TCHH: variants seen among roughly 807,000 people sequenced by gnomAD.
The protein encoded by TCHH is trichohyalin.
Under a neutral mutation model 6.3 loss-of-function variants are expected in TCHH, and 6 were observed. That is an observed-to-expected ratio of 0.95 (90% CI 0.52 to 1.88). The LOEUF (loss-of-function observed/expected upper bound fraction) is 1.88. TCHH is among the 40% of genes most tolerant of loss of function. The probability of loss-of-function intolerance (pLI) is 0.01; values close to 1 mark genes in which losing one functional copy is unlikely to be tolerated. For synonymous variants in TCHH, 1,087 were observed against 963.6 expected (o/e 1.13, Z -2.37); for missense variants, 2,920 against 2,449.1 (o/e 1.19, Z -4.06).
chr1:152,109,122 C>G lies in TCHH; in HGVS notation c.4095G>C (p.Glu1365Asp). The part of the protein sequence containing the change: ...RQERDRKFRE[E>D]ELRHQEQGRK... Reference sequence around the variant, plus strand: ...TCCCTTGTTCCTGATGGCGCAGTTCCTCTTCGCGGAATTTTCTGTCACGCT... The same window carrying G: ...TCCCTTGTTCCTGATGGCGCAGTTCGTCTTCGCGGAATTTTCTGTCACGCT... The change falls in exon 3 of 3, where the codon GAG becomes GAC. Residue 1365 changes from glutamate (E) to aspartate (D), a missense_variant. Transcript: ENST00000614923. 1 of 1,613,876 alleles carries G rather than the reference C, an allele frequency of 6.2e-7. No individual in the cohort carries two copies. The highest frequency in any genetic ancestry group is 8.5e-7 in the Non-Finnish European group (1 of 1,179,870).
Position 152,109,596 on chromosome 1 carries a change from G to A in TCHH, c.3621C>T (p.Arg1207=), listed in dbSNP as rs774465939. The A allele has an allele frequency of 2.5e-6, 4 of 1,614,024 alleles. No homozygotes were observed. In the African/African-American group the frequency reaches 5.3e-5, roughly 22 times the overall value. ...RQYREEEELQ[R]QKRKQRYRDE... ...CCCGGTATCGCTGCTTCCTTTTCTG[G>A]CGCTGAAGCTCTTCCTCCTCCCGAT... The change falls in exon 3 of 3, where the codon CGC becomes CGT. Residue 1207 remains arginine (R), a synonymous_variant. Coordinates refer to ENST00000614923, the MANE Select transcript of TCHH (RefSeq NM_007113.4).
In TCHH at chr1:152,108,231, A is replaced by T; in HGVS notation, c.4986T>A (p.Arg1662=). Reference sequence around the variant, plus strand: ...CACGGAATTTTCTGTCGCGGTCGTGACGCAGCTGTTGTTCGCGCTCCTGGC... The same window carrying T: ...CACGGAATTTTCTGTCGCGGTCGTGTCGCAGCTGTTGTTCGCGCTCCTGGC... ...LRRQEREQQL[R]HDRDRKFREE... is the part of the protein sequence containing the mutation. The change falls in exon 3 of 3, where the codon CGT becomes CGA. Residue 1662 remains arginine, a synonymous_variant. Coordinates refer to ENST00000614923, the MANE Select transcript of TCHH (RefSeq NM_007113.4). The T allele has an allele frequency of 6.3e-7, 1 of 1,578,472 alleles. No homozygotes were observed. Among genetic ancestry groups the T allele is most frequent in the Non-Finnish European group, 8.6e-7 (1 of 1,166,476 alleles).
chr1:152,111,526 T>C lies in TCHH; in HGVS notation c.1691A>G (p.Glu564Gly). ...CTCCTGCTCGCGCTTCAGCCGCTGC[T>C]CTCGCCTCTCCTGCTCGAGCCTCTT... ...EEKRLEQERR[E>G]QRLKREQEER... The change falls in exon 3 of 3, where the codon GAG (glutamate) becomes GGG (glycine). Residue 564 changes from glutamate (E) to glycine (G), a missense_variant. Transcript: ENST00000614923. 1 of 1,589,782 alleles carries C rather than the reference T, an allele frequency of 6.3e-7. No individual in the cohort carries two copies. Among genetic ancestry groups the C allele is most frequent in the Non-Finnish European group, 8.6e-7 (1 of 1,165,142 alleles).
intron 1 of TCHH, 28 bp downstream of exon 1, chr1:152,115,363 G>C (rs1658482784): frequency 6.6e-6 from 1 of 152,250 alleles, no homozygotes; most frequent in Non-Finnish European, 1.5e-5. Context: ...TCATAAAGAA[G>C]ACCACGATCC....
chr1:152,109,838 CCTCT>C lies in TCHH; in HGVS notation c.3375_3378del (p.Glu1126AsnfsTer28). On this transcript the variant is annotated frameshift_variant, in exon 3 of 3. Transcript: ENST00000614923. LOFTEE classifies it low-confidence loss of function (END_TRUNC). ...TCCTGGCGCCTTCTCTTCTCCCGTT[CCTCT>C]CTCAGCAGCTGCTCTTCCTCCTGCT... is the stretch of plus-strand genomic sequence containing the variant. 6.2e-7 allele frequency: 1 copy of C among 1,611,684 alleles called. No homozygotes were observed. Among genetic ancestry groups the C allele is most frequent in the Non-Finnish European group, 8.5e-7 (1 of 1,179,438 alleles).
At position 152,109,555 on chromosome 1, in the gene TCHH, C is replaced by T; in HGVS notation, c.3662G>A (p.Ser1221Asn). ...KQRYRDEDQRSDLKWQWEPEK... is the reference protein window; with the variant it reads ...KQRYRDEDQRNDLKWQWEPEK... ...TGGTTCCCACTGCCATTTCAGATCA[C>T]TGCGCTGATCCTCATCCCGGTATCG... Residue 1221 changes from serine (S) to asparagine (N), a missense_variant, in exon 3 of 3, where the codon AGT (serine) becomes AAT (asparagine). Transcript: ENST00000614923. The T allele has an allele frequency of 1.9e-6, 3 of 1,614,264 alleles. No homozygotes were observed. The highest frequency in any genetic ancestry group is 2.5e-6 in the Non-Finnish European group (3 of 1,180,058).
Position 152,110,693 on chromosome 1 carries a change from G to C in TCHH, c.2524C>G (p.Arg842Gly), listed in dbSNP as rs1450669110. 1 of 1,612,292 alleles carries C rather than the reference G, an allele frequency of 6.2e-7. No individual in the cohort carries two copies. The highest frequency in any genetic ancestry group is 1.7e-5 in the Admixed American group (1 of 60,002). Residue 842 changes from arginine to glycine, a missense_variant, in exon 3 of 3, where the codon CGG becomes GGG. Coordinates refer to ENST00000614923, the MANE Select transcript of TCHH (RefSeq NM_007113.4). ...TGGAGCTGTTGGGCACGCTCCCGCC[G>C]CTGGAGCTGCTCCTCTTCCTCCAGG... Reference protein sequence around the residue: ...QFLEEEEQLQRRERAQQLQEE... With the variant: ...QFLEEEEQLQGRERAQQLQEE...
chr1:152,112,404 G>C lies in TCHH; in HGVS notation c.813C>G (p.Leu271=), dbSNP rs1452113875. 6.2e-7 allele frequency: 1 copy of C among 1,613,514 alleles called. No individual in the cohort carries two copies. Among genetic ancestry groups the C allele is most frequent in the African/African-American group, 1.3e-5 (1 of 74,796 alleles). ...TCCGTAGCTGCTCTTCTTCCTCCTG[G>C]AGCTCTCTTTGCCGCTGCGGCTCCT... is the stretch of plus-strand genomic sequence containing the variant. The part of the protein sequence containing the change: ...QEEEPQRQRE[L]QEEEEQLRKL... Residue 271 remains leucine (L), a synonymous_variant, in exon 3 of 3, where the codon CTC becomes CTG. Coordinates refer to ENST00000614923, the MANE Select transcript of TCHH (RefSeq NM_007113.4).
Position 152,110,646 on chromosome 1 carries a change from C to T in TCHH, c.2571G>A (p.Gln857=), listed in dbSNP as rs1477575621. Residue 857 remains glutamine, a synonymous_variant, in exon 3 of 3, where the codon CAG becomes CAA. Transcript: ENST00000614923. The part of the protein sequence containing the change: ...QQLQEEEDGL[Q]EDQERRRSQE... ...GGCTTCGCCTCCTCTCCTGATCCTCCTGGAGGCCGTCCTCCTCCTCCTGGA... is the reference window on the plus strand; with the variant it reads ...GGCTTCGCCTCCTCTCCTGATCCTCTTGGAGGCCGTCCTCCTCCTCCTGGA... 1.9e-6 allele frequency: 3 copies of T among 1,613,686 alleles called. No individual in the cohort carries two copies. Among genetic ancestry groups the T allele is most frequent in the Non-Finnish European group, 1.7e-6 (2 of 1,179,934 alleles).
In TCHH at chr1:152,108,059, C is replaced by T; in HGVS notation, c.5158G>A (p.Glu1720Lys). The change falls in exon 3 of 3, where the codon GAA (glutamate) becomes AAA (lysine). Residue 1720 changes from glutamate to lysine, a missense_variant. Transcript: ENST00000614923. Reference protein sequence around the residue: ...LQEEQQLRRQELERKFREEEQ... With the variant: ...LQEEQQLRRQKLERKFREEEQ... ...TCCTCACGGAATTTTCTCTCCAGTT[C>T]CTGGCGGCGCAGCTGCTGTTCCTCC... The T allele has an allele frequency of 2.5e-6, 4 of 1,613,934 alleles. No homozygotes were observed. Among genetic ancestry groups the T allele is most frequent in the South Asian group, 1.1e-5 (1 of 91,060 alleles).
rs1658450027 is a variant in TCHH, at chr1:152,114,012, A to G, written c.69T>C (p.Cys23=). ...CTTTCTTAGTTAATGCTGCTCCATCACAATCATGAGAGACATACTGATTGA... is the reference window on the plus strand; with the variant it reads ...CTTTCTTAGTTAATGCTGCTCCATCGCAATCATGAGAGACATACTGATTGA... ...EIFNQYVSHD[C]DGAALTKKDL... is the part of the protein sequence containing the mutation. The change falls in exon 2 of 3, where the codon TGT becomes TGC. Residue 23 remains cysteine, a synonymous_variant. Coordinates refer to ENST00000614923, the MANE Select transcript of TCHH (RefSeq NM_007113.4). 1 of 1,614,002 alleles carries G rather than the reference A, an allele frequency of 6.2e-7. No homozygotes were observed. Among genetic ancestry groups the G allele is most frequent in the Non-Finnish European group, 8.5e-7 (1 of 1,179,966 alleles).
At chr1:152,115,174 G>A (rs1017846838) in intron 1 of TCHH, among the ~76,000 whole-genome samples, 4 of 152,224 alleles carry the variant, frequency 2.6e-5, no homozygotes, top group African/African-American at 9.6e-5. Flanking sequence ...ATGTGCAGAA[G>A]TATAGAGTTC....
rs1187756343 is a variant in TCHH at position 152,109,438 on chromosome 1, T to G, written c.3779A>C (p.Asp1260Ala). 1 of 1,613,766 alleles carries G rather than the reference T, an allele frequency of 6.2e-7. No homozygotes were observed. The highest frequency in any genetic ancestry group is 1.3e-5 in the African/African-American group (1 of 75,048). The stretch of plus-strand genomic sequence containing the variant: ...CTGCAGATCTTGCTGGGATTGTCTG[T>G]CGCGCAGCTGGGAATCTTCCAACTG... ...FRQLEDSQLR[D>A]RQSQQDLQHL... The change falls in exon 3 of 3, where the codon GAC becomes GCC. Residue 1260 changes from aspartate to alanine, a missense_variant. Transcript: ENST00000614923.
chr1:152,107,198 G>A lies in TCHH; in HGVS notation c.*187C>T. 1 of 546,236 alleles carries A rather than the reference G, an allele frequency of 1.8e-6. No individual in the cohort carries two copies. Among genetic ancestry groups the A allele is most frequent in the Non-Finnish European group, 3.1e-6 (1 of 324,864 alleles). 33.8% of individuals were successfully genotyped at this position (546,236 alleles called of 1,614,324 possible). ...ATCTTGCAGTAAAGAACTACTTGAG[G>A]AAGAATAAAAAGCAGAAGTACAAAG... On this transcript the variant is annotated 3_prime_UTR_variant, in exon 3 of 3. Coordinates refer to ENST00000614923, the MANE Select transcript of TCHH (RefSeq NM_007113.4).
chr1:152,114,190 G>T, intron 1 of TCHH, 79 bp from the exon 2 acceptor site: 1 of 1,004,678 alleles, frequency 1.0e-6, no homozygotes, highest in Non-Finnish European at 1.4e-6. Flanking sequence ...ATTTCAGGCA[G>T]ATCCCTAAAT....
At position 152,112,688 on chromosome 1, in the gene TCHH, T is replaced by G; in HGVS notation, c.529A>C (p.Arg177=). ...TCTTCCCGTTCTTGCCATTCTTGCC[T>G]TTGCCGCCACAGCTCCTCGTCGCGG... ...QRRDEELWRQ[R]QEWQEREERR... The change falls in exon 3 of 3, where the codon AGG becomes CGG. Residue 177 remains arginine (R), a synonymous_variant. Coordinates refer to ENST00000614923, the MANE Select transcript of TCHH (RefSeq NM_007113.4). 1.2e-6 allele frequency: 2 copies of G among 1,614,120 alleles called. No homozygotes were observed. The highest frequency in any genetic ancestry group is 1.7e-6 in the Non-Finnish European group (2 of 1,180,022).
In TCHH at chr1:152,110,007, C is replaced by G; in HGVS notation, c.3210G>C (p.Thr1070=). Residue 1070 remains threonine, a synonymous_variant, in exon 3 of 3, where the codon ACG becomes ACC. Coordinates refer to ENST00000614923, the MANE Select transcript of TCHH (RefSeq NM_007113.4). ...GCCTCTCCAGCTCCTGGCGCCTTCTCGTCTCCCGTTCCTCTCCCAGCAGCT... is the reference window on the plus strand; with the variant it reads ...GCCTCTCCAGCTCCTGGCGCCTTCTGGTCTCCCGTTCCTCTCCCAGCAGCT... ...EEQLLGEERE[T]RRRQELERQY... 6.5e-7 allele frequency: 1 copy of G among 1,532,510 alleles called. No homozygotes were observed. Among genetic ancestry groups the G allele is most frequent in the Non-Finnish European group, 8.8e-7 (1 of 1,137,500 alleles). 94.9% of individuals were successfully genotyped at this position (1,532,510 alleles called of 1,614,324 possible).
At position 152,108,790 on chromosome 1, in the gene TCHH, TG is replaced by T; in HGVS notation, c.4426del (p.Gln1476SerfsTer97). 2 of 1,613,536 alleles carry T rather than the reference TG, an allele frequency of 1.2e-6. No homozygotes were observed. Among genetic ancestry groups the T allele is most frequent in the Non-Finnish European group, 1.7e-6 (2 of 1,179,922 alleles). On this transcript the variant is annotated frameshift_variant, in exon 3 of 3. Transcript: ENST00000614923. LOFTEE classifies it low-confidence loss of function (END_TRUNC). ...EEQLLQEREE[Q>X]QLHRQERDRK... ...GTCACGCTCTTGGCGGTGCAGCTGC[TG>T]TTCTTCCCTTTCCTGGAGCAGCTGT...
In TCHH at chr1:152,109,027, T is replaced by G. The variant is rs1658221089; in HGVS notation, c.4190A>C (p.Gln1397Pro). The G allele has an allele frequency of 6.2e-7, 1 of 1,613,784 alleles. No homozygotes were observed. The highest frequency in any genetic ancestry group is 1.3e-5 in the African/African-American group (1 of 74,886). Residue 1397 changes from glutamine to proline, a missense_variant, in exon 3 of 3, where the codon CAG (glutamine) becomes CCG (proline). By Grantham distance (76) the Gln-to-Pro change is moderately conservative. Coordinates refer to ENST00000614923, the MANE Select transcript of TCHH (RefSeq NM_007113.4). ...CTCGCGCTCCTGGCAGCGCAGCTGC[T>G]GTTCCTCCTTAAGGAATTTTCTCTC... ...ERERKFLKEE[Q>P]QLRCQEREQQ...
Sources: gnomAD v4.1 joint callset for allele counts (sites outside exome capture counted in the v4.1 genomes callset) on GRCh38, gnomAD v4.1.1 for gene constraint, MANE v1.5 for transcripts, NCBI Gene and HGNC (gene_info 2026-07-23, HGNC 2026-07-21) for gene names.